Variants in MARCHF1 observed in about 807,000 individuals in gnomAD.
The protein encoded by MARCHF1 is membrane associated ring-CH-type finger 1.
In MARCHF1, 40 loss-of-function variants were observed where a neutral mutation model predicts 54.2. The observed-to-expected ratio is 0.74, with a 90% CI of 0.57 to 0.96. The LOEUF (loss-of-function observed/expected upper bound fraction) is 0.96. MARCHF1 is among the 40% of genes least tolerant of loss of function. The probability of loss-of-function intolerance (pLI) is 0.00; values close to 1 mark genes in which losing one functional copy is unlikely to be tolerated. For missense variants in MARCHF1, 586 were observed against 656.5 expected (o/e 0.89, Z 1.17); for synonymous variants, 236 against 236.3 (o/e 1.00, Z 0.01).
At chr4:163,726,390 T>G (rs1039497248) in intron 4 of MARCHF1, among the ~76,000 whole-genome samples, 5 of 152,236 alleles carry the variant, frequency 3.3e-5, no homozygotes, top group African/African-American at 1.2e-4. Flanking sequence ...TCAGATTGAC[T>G]TCTTTCACTT....
chr4:163,690,831 A>C (rs1489745544), intron 5 of MARCHF1, among the ~76,000 whole-genome samples: 1 of 152,198 alleles, frequency 6.6e-6, no homozygotes, highest in East Asian at 1.9e-4. Flanking sequence ...TCAAAGTGCC[A>C]GGCATCAATC....
intron 5 of MARCHF1, among the ~76,000 whole-genome samples, chr4:163,624,928 C>T (rs1264000580): frequency 1.3e-5 from 2 of 152,218 alleles, no homozygotes; most frequent in Non-Finnish European, 2.9e-5. Flanking sequence ...TCTGAAGTTA[C>T]AACCCCAGTC....
At chr4:164,362,375 A>G (rs2110928989) in intron 1 of MARCHF1, among the ~76,000 whole-genome samples, 1 of 152,266 alleles carries the variant, frequency 6.6e-6, no homozygotes, top group East Asian at 1.9e-4. Flanking sequence ...TAGATGATCA[A>G]CAATCATTTT....
intron 2 of MARCHF1, among the ~76,000 whole-genome samples, chr4:164,065,541 T>C (rs1754708643): frequency 1.3e-5 from 2 of 152,144 alleles, no homozygotes; most frequent in African/African-American, 4.8e-5. Flanking sequence ...AAAATGTGTA[T>C]CAGTCAGGGT....
chr4:163,712,550 G>A (rs1745137301), intron 4 of MARCHF1, among the ~76,000 whole-genome samples: 1 of 152,046 alleles, frequency 6.6e-6, no homozygotes, highest in African/African-American at 2.4e-5. Context: ...TTTTGTTCCA[G>A]TCTCATGCCT....
intron 4 of MARCHF1, among the ~76,000 whole-genome samples, chr4:163,840,178 C>T (rs1028044369): frequency 2.6e-5 from 4 of 151,968 alleles, no homozygotes; most frequent in South Asian, 2.1e-4. Context: ...ATAAATTATG[C>T]CTTTTACATT....
At chr4:163,631,523 T>G (rs912367094) in intron 5 of MARCHF1, among the ~76,000 whole-genome samples, 1 of 152,230 alleles carries the variant, frequency 6.6e-6, no homozygotes, top group Non-Finnish European at 1.5e-5. Context: ...CAAGATTGTC[T>G]ATTGGTTTGA....
chr4:164,251,160 G>C (rs1258281790), intron 1 of MARCHF1, among the ~76,000 whole-genome samples: 1 of 152,084 alleles, frequency 6.6e-6, no homozygotes, highest in Admixed American at 6.6e-5. Flanking sequence ...TCTCCTCTGA[G>C]TTATTCATTT....
At chr4:163,990,912 A>C (rs1405900380) in intron 2 of MARCHF1, among the ~76,000 whole-genome samples, 1 of 152,192 alleles carries the variant, frequency 6.6e-6, no homozygotes, top group Non-Finnish European at 1.5e-5. Flanking sequence ...TTTTGCTTAA[A>C]ATATTCATTA....
At chr4:164,028,381 C>T (rs1753813096) in intron 2 of MARCHF1, among the ~76,000 whole-genome samples, 1 of 152,156 alleles carries the variant, frequency 6.6e-6, no homozygotes, top group East Asian at 1.9e-4. Context: ...CCAAGAAATA[C>T]TTCACATCCA....
At chr4:163,930,883 C>G (rs72687909) in intron 3 of MARCHF1, among the ~76,000 whole-genome samples, 17,785 of 152,008 alleles carry the variant, frequency 0.12, 1,091 homozygotes, top group Non-Finnish European at 0.13. Context: ...AGGGATGTAA[C>G]ATATTTTGGG....
chr4:164,374,352 G>A (rs1282532408), intron 1 of MARCHF1, among the ~76,000 whole-genome samples: 2 of 151,800 alleles, frequency 1.3e-5, no homozygotes, highest in Non-Finnish European at 1.5e-5. Flanking sequence ...AAAGTATTTG[G>A]GAAATTTAAA....
chr4:164,167,128 G>A (rs1191766544), intron 1 of MARCHF1, among the ~76,000 whole-genome samples: 2 of 151,630 alleles, frequency 1.3e-5, no homozygotes, highest in Non-Finnish European at 3.0e-5. Flanking sequence ...AAGATTAAAT[G>A]AGACAATATA....
intron 2 of MARCHF1, among the ~76,000 whole-genome samples, chr4:163,995,103 C>G (rs1220848015): frequency 6.6e-6 from 1 of 151,968 alleles, no homozygotes; most frequent in Non-Finnish European, 1.5e-5. Flanking sequence ...ACCAGACTGT[C>G]CCCCAACCTT....
chr4:164,102,638 C>T (rs1433571054), intron 2 of MARCHF1, among the ~76,000 whole-genome samples: 21 of 150,158 alleles, frequency 1.4e-4, no homozygotes, highest in East Asian at 5.9e-4. Flanking sequence ...AAGGAACAAC[C>T]GGCACCAGCC....
At chr4:163,729,939 T>G (rs2111321344) in intron 4 of MARCHF1, among the ~76,000 whole-genome samples, 1 of 152,266 alleles carries the variant, frequency 6.6e-6, no homozygotes, top group East Asian at 1.9e-4. Context: ...TCATTTAACA[T>G]CTTAGATCTT....
At chr4:163,700,084 G>T (rs1428926914) in intron 5 of MARCHF1, among the ~76,000 whole-genome samples, 1 of 151,802 alleles carries the variant, frequency 6.6e-6, no homozygotes, top group Admixed American at 6.6e-5. Context: ...CCAGAGTTCA[G>T]CCCAAAGTCC....
chr4:163,817,140 T>C (rs1383865483), intron 4 of MARCHF1, among the ~76,000 whole-genome samples: 1 of 152,056 alleles, frequency 6.6e-6, no homozygotes, highest in Admixed American at 6.6e-5. Flanking sequence ...GCCCATAAGA[T>C]GAAAAACAAT....
At chr4:164,301,361 T>C (rs1401399689) in intron 1 of MARCHF1, among the ~76,000 whole-genome samples, 1 of 152,178 alleles carries the variant, frequency 6.6e-6, no homozygotes, top group Non-Finnish European at 1.5e-5. Flanking sequence ...TACCTATTTG[T>C]TTTCTAACCT....
Sources: gnomAD v4.1 joint callset for allele counts (sites outside exome capture counted in the v4.1 genomes callset) on GRCh38, gnomAD v4.1.1 for gene constraint, MANE v1.5 for transcripts, NCBI Gene and HGNC (gene_info 2026-07-23, HGNC 2026-07-21) for gene names.